The following LGSN variants were observed in gnomAD, a reference collection of about 807,000 sequenced individuals.
The protein encoded by LGSN is lengsin.
In LGSN, 21 loss-of-function variants were observed where a neutral mutation model predicts 19.5. That is an observed-to-expected ratio of 1.07 (90% CI 0.76 to 1.55). LGSN has a LOEUF of 1.55. Among genes scored for constraint, LGSN ranks in the 40% most tolerant of loss-of-function variants. The pLI is 0.00. For missense variants in LGSN, 673 were observed against 608.5 expected (o/e 1.11, Z -1.12); for synonymous variants, 257 against 215.6 (o/e 1.19, Z -1.68).
the LGSN span, among the ~76,000 whole-genome samples, chr6:63,507,700 A>G: frequency 1.3e-5 from 2 of 152,198 alleles, no homozygotes; most frequent in African/African-American, 4.8e-5. Context: ...CCAAACAATG[A>G]GTACCTGAAT....
At chr6:63,513,671 G>A in the LGSN span, among the ~76,000 whole-genome samples, 2 of 152,068 alleles carry the variant, frequency 1.3e-5, no homozygotes, top group Non-Finnish European at 2.9e-5. Context: ...AGCACTTTGA[G>A]AGGCCAAGGC....
At chr6:63,541,053 GGA>G in the LGSN span, among the ~76,000 whole-genome samples, 80 of 148,850 alleles carry the variant, frequency 5.4e-4, 1 homozygote, top group Admixed American at 4.6e-3. Context: ...AAGGAAGGAA[GGA>G]AGGGAGGGAA....
At position 63,278,235 on chromosome 6, in the gene LGSN, G is replaced by T. The variant is rs933942269; in HGVS notation, c.*1786C>A. The T allele has an allele frequency of 6.6e-6, 1 of 151,920 alleles. No individual in the cohort carries two copies. The highest frequency in any genetic ancestry group is 2.4e-5 in the African/African-American group (1 of 41,350). The allele number at this position is 151,920 out of a possible 1,614,324, so 9.4% of individuals were successfully genotyped here. A position where few individuals can be genotyped will look rare whatever the true frequency, so the allele number is the denominator to read the frequency against. ...CATTTCATTTTTCATTGCTTTCAAAGAACATATTGAGGTTTTATTACTGAG... is the reference window on the plus strand; with the variant it reads ...CATTTCATTTTTCATTGCTTTCAAATAACATATTGAGGTTTTATTACTGAG... On this transcript the variant is annotated 3_prime_UTR_variant, in exon 4 of 4. Transcript: ENST00000370657.
At chr6:63,492,039 A>G in the LGSN span, among the ~76,000 whole-genome samples, 1 of 152,156 alleles carries the variant, frequency 6.6e-6, no homozygotes, top group African/African-American at 2.4e-5. Context: ...CAAAAAAAAA[A>G]AAAAAAAATT....
chr6:63,379,679 T>C, the LGSN span, among the ~76,000 whole-genome samples: 10 of 152,196 alleles, frequency 6.6e-5, no homozygotes, highest in Admixed American at 2.6e-4. Flanking sequence ...AGAAGCTTGT[T>C]AAAAATACAG....
the LGSN span, among the ~76,000 whole-genome samples, chr6:63,339,763 T>C: frequency 6.6e-6 from 1 of 152,194 alleles, no homozygotes; most frequent in African/African-American, 2.4e-5. Flanking sequence ...TTTCTTCCTC[T>C]TTTATTGTTT....
At chr6:63,308,009 C>T (rs1361360566) in intron 1 of LGSN, among the ~76,000 whole-genome samples, 1 of 152,160 alleles carries the variant, frequency 6.6e-6, no homozygotes, top group African/African-American at 2.4e-5. Context: ...TTCAGATAGG[C>T]TAACCTTAAA....
In LGSN at chr6:63,276,125, G is replaced by C. The variant is rs1029872370; in HGVS notation, c.*3896C>G. 2.6e-5 allele frequency: 4 copies of C among 152,152 alleles called. No individual in the cohort carries two copies. Among genetic ancestry groups the C allele is most frequent in the African/African-American group, 9.7e-5 (4 of 41,438 alleles). 9.4% of individuals were successfully genotyped at this position (152,152 alleles called of 1,614,324 possible). ...TTACCCCTGTCATAGAAAACCCAAG[G>C]TTAAAGGTATTGTCCAGTCATACCT... On this transcript the variant is annotated 3_prime_UTR_variant, in exon 4 of 4. Coordinates refer to ENST00000370657, the MANE Select transcript of LGSN (RefSeq NM_016571.3).
chr6:63,341,772 T>C, the LGSN span, among the ~76,000 whole-genome samples: 1 of 152,088 alleles, frequency 6.6e-6, no homozygotes, highest in Non-Finnish European at 1.5e-5. Context: ...CTAAAACCCT[T>C]CCTATATTGG....
chr6:63,353,826 C>G, the LGSN span, among the ~76,000 whole-genome samples: 9 of 151,876 alleles, frequency 5.9e-5, no homozygotes, highest in African/African-American at 2.2e-4. Context: ...GAATAGAGAA[C>G]CTGGAAATAA....
chr6:63,493,698 T>A, the LGSN span, among the ~76,000 whole-genome samples: 1 of 151,814 alleles, frequency 6.6e-6, no homozygotes. Context: ...CTGGCCCGTT[T>A]ATGTAAAGCC....
the LGSN span, among the ~76,000 whole-genome samples, chr6:63,416,569 T>C: frequency 2.7e-4 from 41 of 152,194 alleles, no homozygotes; most frequent in East Asian, 6.4e-3. Context: ...ATAGTTTTTT[T>C]GTTGTTGTTG....
upstream of LGSN, among the ~76,000 whole-genome samples, chr6:63,321,937 C>T (rs1298774943): frequency 2.6e-5 from 4 of 152,088 alleles, no homozygotes; most frequent in Non-Finnish European, 5.9e-5. Context: ...ATGGAAAGAC[C>T]GTTCAACTCA....
chr6:63,432,479 C>A, the LGSN span, among the ~76,000 whole-genome samples: 1 of 151,838 alleles, frequency 6.6e-6, no homozygotes, highest in Non-Finnish European at 1.5e-5. Flanking sequence ...ATCACCAGAT[C>A]AGGAGATCGA....
the LGSN span, among the ~76,000 whole-genome samples, chr6:63,519,805 GA>G: frequency 2.6e-5 from 4 of 152,164 alleles, no homozygotes; most frequent in Non-Finnish European, 1.5e-5. Flanking sequence ...AAGAAAATTA[GA>G]AAGCAATATA....
At chr6:63,408,443 T>A in the LGSN span, among the ~76,000 whole-genome samples, 8 of 145,426 alleles carry the variant, frequency 5.5e-5, no homozygotes, top group Non-Finnish European at 1.0e-4. Context: ...GATTCCCTAT[T>A]TAATAAATGG....
At chr6:63,550,823 A>G in the LGSN span, among the ~76,000 whole-genome samples, 1 of 152,068 alleles carries the variant, frequency 6.6e-6, no homozygotes, top group Non-Finnish European at 1.5e-5. Flanking sequence ...CAGGGATTTC[A>G]CCATGTTGGC....
chr6:63,390,843 G>C, the LGSN span, among the ~76,000 whole-genome samples: 1 of 133,662 alleles, frequency 7.5e-6, no homozygotes, highest in South Asian at 2.3e-4. Context: ...CTGGGCGACA[G>C]AGCAAGACTC....
At chr6:63,483,515 A>G in the LGSN span, among the ~76,000 whole-genome samples, 66 of 151,906 alleles carry the variant, frequency 4.3e-4, no homozygotes, top group Non-Finnish European at 7.5e-4. Flanking sequence ...ACAGGCATGC[A>G]CCACCACGCC....
Sources: gnomAD v4.1 joint callset for allele counts (sites outside exome capture counted in the v4.1 genomes callset) on GRCh38, gnomAD v4.1.1 for gene constraint, MANE v1.5 for transcripts, NCBI Gene and HGNC (gene_info 2026-07-23, HGNC 2026-07-21) for gene names.